HCN1: variants seen among roughly 807,000 people sequenced by gnomAD.
HCN1 encodes the protein potassium/sodium hyperpolarization-activated cyclic nucleotide-gated channel 1.
Under a neutral mutation model 78.9 loss-of-function variants are expected in HCN1, and 13 were observed. That is an observed-to-expected ratio of 0.16 (90% CI 0.11 to 0.26). HCN1 has a LOEUF of 0.26. Among genes scored for constraint, HCN1 ranks in the 10% least tolerant of loss-of-function variants. The pLI is 1.00. For synonymous variants in HCN1, 552 were observed against 455.5 expected (o/e 1.21, Z -2.70); for missense variants, 810 against 1,154.3 (o/e 0.70, Z 4.32).
chr5:45,368,259 C>T (rs1007615429), intron 4 of HCN1, among the ~76,000 whole-genome samples: 9 of 151,942 alleles, frequency 5.9e-5, no homozygotes, highest in African/African-American at 1.9e-4. Flanking sequence ...CTTCTATTTT[C>T]GCCATGCTGA....
At chr5:45,383,590 A>G (rs1747855106) in intron 4 of HCN1, among the ~76,000 whole-genome samples, 4 of 152,060 alleles carry the variant, frequency 2.6e-5, no homozygotes, top group Admixed American at 2.6e-4. Flanking sequence ...GCTACTCGGG[A>G]GGCTGAGGCA....
intron 1 of HCN1, among the ~76,000 whole-genome samples, chr5:45,662,895 A>G (rs1335722981): frequency 4.9e-5 from 1 of 20,458 alleles, no homozygotes; most frequent in Admixed American, 7.0e-4. Context: ...GGTAATTTAC[A>G]GATTCAATGC....
intron 2 of HCN1, among the ~76,000 whole-genome samples, chr5:45,472,969 T>A (rs1293467089): frequency 6.6e-6 from 1 of 151,948 alleles, no homozygotes; most frequent in Non-Finnish European, 1.5e-5. Flanking sequence ...GTCTAGCTTT[T>A]AGTTGTCATT....
intron 2 of HCN1, among the ~76,000 whole-genome samples, chr5:45,474,578 A>G (rs905028436): frequency 1.9e-4 from 29 of 151,860 alleles, no homozygotes; most frequent in Non-Finnish European, 4.1e-4. Context: ...AATCAACAAT[A>G]TTTCATTAAA....
intron 2 of HCN1, among the ~76,000 whole-genome samples, chr5:45,611,512 C>T (rs560275410): frequency 6.6e-6 from 1 of 151,848 alleles, no homozygotes; most frequent in South Asian, 2.1e-4. Flanking sequence ...GCTCAAGTGA[C>T]TTGCTCGCTT....
chr5:45,516,441 T>C (rs980254398), intron 2 of HCN1, among the ~76,000 whole-genome samples: 3 of 152,030 alleles, frequency 2.0e-5, no homozygotes, highest in Non-Finnish European at 2.9e-5. Flanking sequence ...TTTCTTCTTT[T>C]GTTTCTCTTT....
intron 2 of HCN1, among the ~76,000 whole-genome samples, chr5:45,572,854 A>T (rs889585431): frequency 3.9e-5 from 6 of 152,186 alleles, no homozygotes; most frequent in Non-Finnish European, 8.8e-5. Context: ...ATAAAAAATA[A>T]GTTCAATATA....
intron 5 of HCN1, among the ~76,000 whole-genome samples, chr5:45,346,692 C>T (rs1226592881): frequency 6.6e-6 from 1 of 152,188 alleles, no homozygotes; most frequent in African/African-American, 2.4e-5. Flanking sequence ...GGCTTAAAAA[C>T]CGGCACACCA....
chr5:45,576,951 C>A lies in HCN1; in HGVS notation c.849+68234G>T, dbSNP rs61027057. ...GAGGTATGCTAAGGCTTTTAACCCT[C>A]TATGCAAACTTAAAGCATTCTTTTT... On this transcript the variant is annotated intron_variant, in intron 2 of 7. Coordinates refer to ENST00000303230, the MANE Select transcript of HCN1 (RefSeq NM_021072.4). 8.5e-3 allele frequency among the ~76,000 whole-genome samples: 1,295 copies of A among 152,102 alleles called. 24 individuals are homozygous for A. Among genetic ancestry groups the A allele is most frequent in the African/African-American group, 0.031 (1,268 of 41,514 alleles).
chr5:45,446,089 T>C (rs946447597), intron 3 of HCN1, among the ~76,000 whole-genome samples: 2 of 152,104 alleles, frequency 1.3e-5, no homozygotes, highest in African/African-American at 4.8e-5. Flanking sequence ...CAAACTACTC[T>C]GAGCTACAGG....
In HCN1 at chr5:45,696,027, C is replaced by A; in HGVS notation, c.67G>T (p.Ala23Ser). Reference protein sequence around the residue: ...SRDDGNSVFPAKASATGAGPA... With the variant: ...SRDDGNSVFPSKASATGAGPA... Reference sequence around the variant, plus strand: ...CCCGCGCCCGTCGCGGACGCCTTGGCGGGGAAGACGCTGTTGCCATCGTCC... The same window carrying A: ...CCCGCGCCCGTCGCGGACGCCTTGGAGGGGAAGACGCTGTTGCCATCGTCC... Residue 23 changes from alanine (A) to serine (S), a missense_variant, in exon 1 of 8, where the codon GCC (alanine) becomes TCC (serine). By Grantham distance (99) the Ala-to-Ser change is moderately conservative. Around this residue, in one of 6 missense-constraint regions of HCN1, gnomAD observed 170 missense variants for 166.8 expected, o/e 1.02. Transcript: ENST00000303230. 7.6e-7 allele frequency: 1 copy of A among 1,320,450 alleles called. No homozygotes were observed. The highest frequency in any genetic ancestry group is 1.5e-5 in the African/African-American group (1 of 65,142). 81.8% of individuals were successfully genotyped at this position (1,320,450 alleles called of 1,614,324 possible).
chr5:45,326,228 A>G (rs1257265759), intron 5 of HCN1, among the ~76,000 whole-genome samples: 2 of 151,702 alleles, frequency 1.3e-5, no homozygotes, highest in Non-Finnish European at 3.0e-5. Context: ...ACATACCCAC[A>G]TAAATTTTTA....
intron 5 of HCN1, among the ~76,000 whole-genome samples, chr5:45,329,697 C>G (rs921836708): frequency 6.6e-6 from 1 of 151,280 alleles, no homozygotes; most frequent in Non-Finnish European, 1.5e-5. Flanking sequence ...TAAATTAACA[C>G]TATTTATGTC....
At chr5:45,334,536 C>A (rs557280019) in intron 5 of HCN1, among the ~76,000 whole-genome samples, 1 of 151,762 alleles carries the variant, frequency 6.6e-6, no homozygotes, top group African/African-American at 2.4e-5. Flanking sequence ...ATACTTTTTT[C>A]CCATGTGTTC....
chr5:45,555,112 A>C (rs182091315), intron 2 of HCN1, among the ~76,000 whole-genome samples: 1 of 151,816 alleles, frequency 6.6e-6, no homozygotes, highest in Non-Finnish European at 1.5e-5. Context: ...AATTATTCTT[A>C]TTTGTAGATT....
At chr5:45,392,481 T>G (rs2112036280) in intron 4 of HCN1, among the ~76,000 whole-genome samples, 1 of 152,258 alleles carries the variant, frequency 6.6e-6, no homozygotes, top group Admixed American at 6.5e-5. Flanking sequence ...TATTACTCCT[T>G]TGTATAGCTG....
chr5:45,317,552 C>A (rs545101088), intron 5 of HCN1, among the ~76,000 whole-genome samples: 140 of 152,098 alleles, frequency 9.2e-4, no homozygotes, highest in East Asian at 4.8e-3. Context: ...ACAAAAGCCA[C>A]AATTGACAAA....
intron 1 of HCN1, among the ~76,000 whole-genome samples, chr5:45,667,757 ATGTTT>A (rs1280215668): frequency 1.1e-4 from 17 of 151,944 alleles, no homozygotes; most frequent in Non-Finnish European, 2.2e-4. Context: ...CTCTCTTGTT[ATGTTT>A]CAACTTGGTT....
intron 4 of HCN1, among the ~76,000 whole-genome samples, chr5:45,372,136 TAATA>T (rs1747398722): frequency 1.8e-5 from 1 of 55,770 alleles, no homozygotes. Flanking sequence ...ATATATAATA[TAATA>T]ATATATTATA....
Sources: gnomAD v4.1 joint callset for allele counts (sites outside exome capture counted in the v4.1 genomes callset) on GRCh38, gnomAD v4.1.1 for gene constraint, gnomAD v4.1.1 regional missense constraint, MANE v1.5 for transcripts, NCBI Gene and HGNC (gene_info 2026-07-23, HGNC 2026-07-21) for gene names.